Variants in KLHL1 observed in about 807,000 individuals in gnomAD.
The protein encoded by KLHL1 is kelch like family member 1.
KLHL1 carries 47 observed loss-of-function variants against 77.7 expected under a neutral mutation model. The observed-to-expected ratio is 0.60, with a 90% CI of 0.48 to 0.77. The LOEUF is 0.77. Among genes scored for constraint, KLHL1 ranks in the 30% least tolerant of loss-of-function variants. The probability of loss-of-function intolerance (pLI) is 0.00; values close to 1 mark genes in which losing one functional copy is unlikely to be tolerated. For synonymous variants in KLHL1, 360 were observed against 325.2 expected (o/e 1.11, Z -1.15); for missense variants, 925 against 910.8 (o/e 1.02, Z -0.20).
chr13:69,943,945 T>C (rs543972632), intron 3 of KLHL1, among the ~76,000 whole-genome samples: 84 of 152,274 alleles, frequency 5.5e-4, no homozygotes, highest in Non-Finnish European at 8.7e-4. Context: ...TTTTAGAATA[T>C]TGGGAAGGTG....
intron 5 of KLHL1, among the ~76,000 whole-genome samples, chr13:69,858,288 A>C (rs1409309606): frequency 6.6e-6 from 1 of 152,094 alleles, no homozygotes; most frequent in African/African-American, 2.4e-5. Context: ...GGGTTGGGTG[A>C]GACTCCTTGA....
At chr13:70,013,626 AATT>A (rs375941697) in intron 1 of KLHL1, among the ~76,000 whole-genome samples, 6 of 150,370 alleles carry the variant, frequency 4.0e-5, no homozygotes, top group South Asian at 2.1e-4. Context: ...GAACAAAATG[AATT>A]ATGTTTCCTT....
chr13:69,837,135 T>C (rs547169334), intron 6 of KLHL1, among the ~76,000 whole-genome samples: 2 of 152,000 alleles, frequency 1.3e-5, no homozygotes, highest in South Asian at 2.1e-4. Context: ...AATTCTTATA[T>C]ATTTTTGAAA....
At chr13:70,000,684 T>G (rs1308545443) in intron 1 of KLHL1, among the ~76,000 whole-genome samples, 1 of 151,830 alleles carries the variant, frequency 6.6e-6, no homozygotes. Context: ...AAAATATAAT[T>G]TAAATAATTA....
chr13:69,815,018 T>TAAATA (rs113801002), intron 6 of KLHL1, among the ~76,000 whole-genome samples: 4,400 of 151,346 alleles, frequency 0.029, 219 homozygotes, highest in African/African-American at 0.1. Flanking sequence ...TCTAAAAAAA[T>TAAATA]AAATAAAATA....
intron 2 of KLHL1, among the ~76,000 whole-genome samples, chr13:69,964,040 T>G (rs1325273466): frequency 3.2e-5 from 3 of 93,262 alleles, no homozygotes; most frequent in African/African-American, 1.2e-4. Flanking sequence ...GGAATTTTTT[T>G]GTCAGTTTGT....
intron 1 of KLHL1, among the ~76,000 whole-genome samples, chr13:70,090,647 G>A (rs116734363): frequency 0.01 from 1,569 of 152,098 alleles, 27 homozygotes; most frequent in African/African-American, 0.035. Flanking sequence ...GCAAGGCACA[G>A]AAAGAAGATC....
intron 1 of KLHL1, among the ~76,000 whole-genome samples, chr13:70,048,679 T>C (rs1289359159): frequency 2.0e-5 from 3 of 152,214 alleles, no homozygotes; most frequent in Non-Finnish European, 4.4e-5. Flanking sequence ...TTCCCCCTTC[T>C]GTGAGAATCT....
At chr13:69,983,795 C>G (rs1884785797) in intron 1 of KLHL1, among the ~76,000 whole-genome samples, 1 of 151,758 alleles carries the variant, frequency 6.6e-6, no homozygotes, top group Non-Finnish European at 1.5e-5. Context: ...AAGAGCTATA[C>G]TACAACGCAA....
intron 1 of KLHL1, among the ~76,000 whole-genome samples, chr13:70,059,941 ACAACC>A: frequency 6.6e-6 from 1 of 152,204 alleles, no homozygotes; most frequent in Non-Finnish European, 1.5e-5. Context: ...TAAGCCAATC[ACAACC>A]CACTAGGCCC....
intron 5 of KLHL1, among the ~76,000 whole-genome samples, chr13:69,842,705 G>T (rs545863999): frequency 6.6e-6 from 1 of 151,862 alleles, no homozygotes; most frequent in Non-Finnish European, 1.5e-5. Context: ...CAAAGGAAAA[G>T]AAATCAGTAT....
chr13:69,951,274 T>A (rs1401925554), intron 3 of KLHL1, among the ~76,000 whole-genome samples: 1 of 151,498 alleles, frequency 6.6e-6, no homozygotes, highest in South Asian at 2.1e-4. Flanking sequence ...GAAATAAAAC[T>A]AAGACAAAAG....
intron 1 of KLHL1, among the ~76,000 whole-genome samples, chr13:70,088,560 A>G (rs1241853959): frequency 6.6e-6 from 1 of 152,052 alleles, no homozygotes; most frequent in African/African-American, 2.4e-5. Context: ...GTGTATGCCT[A>G]TATCTCCAGC....
At chr13:69,864,144 CT>C (rs1368619172) in intron 5 of KLHL1, among the ~76,000 whole-genome samples, 1 of 151,738 alleles carries the variant, frequency 6.6e-6, no homozygotes, top group African/African-American at 2.4e-5. Context: ...ACTCCGGGGA[CT>C]TTTATAAAAG....
chr13:69,707,914 A>T, intron 9 of KLHL1, 118 bp from the exon 10 acceptor site: 6 of 721,442 alleles, frequency 8.3e-6, no homozygotes, highest in Non-Finnish European at 1.1e-5. Flanking sequence ...TTTTTCTCTA[A>T]AGGCTCAATC....
intron 8 of KLHL1, among the ~76,000 whole-genome samples, chr13:69,731,604 A>G (rs9542062): frequency 0.46 from 70,255 of 152,000 alleles, 17,174 homozygotes; most frequent in African/African-American, 0.62. Context: ...TGTAAAGTTC[A>G]ATAGCGAACA....
rs1314951854 is a variant in KLHL1 at position 70,052,251 on chromosome 13, T to C, written c.497+54952A>G. On this transcript the variant is annotated intron_variant, in intron 1 of 10. Coordinates refer to ENST00000377844, the MANE Select transcript of KLHL1 (RefSeq NM_020866.3). ...TCTCCTGTCGGTGTAGCATATTTAT[T>C]ACTCTTTTAAGGAACAAATCATCCT... 7.9e-5 allele frequency among the ~76,000 whole-genome samples: 12 copies of C among 151,876 alleles called. No individual in the cohort carries two copies. The East Asian group carries it at 2.3e-3, about 29-fold the overall frequency.
intron 6 of KLHL1, among the ~76,000 whole-genome samples, chr13:69,815,685 G>A (rs1316705652): frequency 1.3e-5 from 2 of 151,950 alleles, no homozygotes; most frequent in African/African-American, 2.4e-5. Context: ...CAACAAACAT[G>A]CACATGTACC....
intron 1 of KLHL1, among the ~76,000 whole-genome samples, chr13:70,021,800 T>G (rs1472101662): frequency 1.3e-5 from 2 of 152,068 alleles, no homozygotes; most frequent in Non-Finnish European, 2.9e-5. Flanking sequence ...AGGTATTTTT[T>G]AAGGTCTTTG....
Sources: gnomAD v4.1 joint callset for allele counts (sites outside exome capture counted in the v4.1 genomes callset) on GRCh38, gnomAD v4.1.1 for gene constraint, MANE v1.5 for transcripts, NCBI Gene and HGNC (gene_info 2026-07-23, HGNC 2026-07-21) for gene names.